Variants in PCDHA1 observed in about 807,000 individuals in gnomAD.
PCDHA1 encodes protocadherin alpha-1.
Under a neutral mutation model 61.3 loss-of-function variants are expected in PCDHA1, and 42 were observed. The ratio of observed to expected loss-of-function variants is 0.69; its 90% CI spans 0.54 to 0.89. The LOEUF (loss-of-function observed/expected upper bound fraction) is 0.89, where lower values mean the gene tolerates loss of function less well. Ranked by LOEUF, PCDHA1 falls within the 40% of genes least tolerant of loss-of-function variation. The pLI is 0.00. For synonymous variants in PCDHA1, 610 were observed against 553.8 expected, an observed-to-expected ratio of 1.10 and a Z score of -1.43; for missense variants, 1,256 against 1,235.3, an observed-to-expected ratio of 1.02 and a Z score of -0.25.
At chr5:140,856,271 G>A (rs782472888) in intron 1 of PCDHA1, 1 of 1,598,148 alleles carries the variant, frequency 6.3e-7, no homozygotes, top group Admixed American at 1.7e-5. Flanking sequence ...GGACCTTCTG[G>A]AGGTAAATCT....
chr5:140,883,162 C>T, intron 1 of PCDHA1: 2 of 1,613,808 alleles, frequency 1.2e-6, no homozygotes, highest in Non-Finnish European at 1.7e-6. Flanking sequence ...TAAATCCGAA[C>T]AATGGAGAAA....
chr5:140,828,066 T>C, intron 1 of PCDHA1: 1 of 1,560,076 alleles, frequency 6.4e-7, no homozygotes, highest in South Asian at 1.2e-5. Context: ...GATCTTCTAA[T>C]GGAAATAAAA....
intron 1 of PCDHA1, among the ~76,000 whole-genome samples, chr5:140,791,856 A>C (rs1554118723): frequency 6.6e-6 from 1 of 151,924 alleles, no homozygotes; most frequent in Admixed American, 6.6e-5. Context: ...TTTGTGAAAG[A>C]CTAGGTTGAA....
intron 1 of PCDHA1, among the ~76,000 whole-genome samples, chr5:140,951,812 A>G (rs2094639418): frequency 1.3e-5 from 2 of 152,152 alleles, no homozygotes; most frequent in Admixed American, 1.3e-4. Context: ...ATGGTCCCTC[A>G]AAGTCTGAAC....
At chr5:140,954,119 C>A (rs547590061) in intron 1 of PCDHA1, among the ~76,000 whole-genome samples, 1 of 152,274 alleles carries the variant, frequency 6.6e-6, no homozygotes, top group African/African-American at 2.4e-5. Flanking sequence ...AGATCTTGTT[C>A]CTTTTTATGG....
intron 1 of PCDHA1, among the ~76,000 whole-genome samples, chr5:140,966,009 G>A (rs2153745631): frequency 6.6e-6 from 1 of 152,278 alleles, no homozygotes; most frequent in South Asian, 2.1e-4. Flanking sequence ...AGTGTCCAGG[G>A]AAGATGTGGG....
intron 1 of PCDHA1, among the ~76,000 whole-genome samples, chr5:140,827,203 G>A (rs1239301472): frequency 2.6e-5 from 4 of 152,154 alleles, no homozygotes; most frequent in Non-Finnish European, 5.9e-5. Context: ...GGAAGTGAGT[G>A]AGAACAATTA....
intron 1 of PCDHA1, among the ~76,000 whole-genome samples, chr5:140,886,636 G>A (rs555391002): frequency 2.6e-5 from 4 of 151,866 alleles, no homozygotes; most frequent in Non-Finnish European, 4.4e-5. Flanking sequence ...GACCAGCCTG[G>A]CCAACATGGT....
intron 1 of PCDHA1, chr5:140,802,717 A>C: frequency 6.2e-7 from 1 of 1,612,524 alleles, no homozygotes; most frequent in Non-Finnish European, 8.5e-7. Flanking sequence ...CTGTCGAGCT[A>C]CGTGTCGGTA....
At chr5:140,884,511 G>T (rs1202323930) in intron 1 of PCDHA1, 6 of 1,614,074 alleles carry the variant, frequency 3.7e-6, no homozygotes, top group African/African-American at 1.3e-5. Context: ...GCAGGGAGTT[G>T]GTCGTACTCG....
chr5:140,842,623 G>C, intron 1 of PCDHA1: 1 of 1,579,148 alleles, frequency 6.3e-7, no homozygotes, highest in Non-Finnish European at 8.6e-7. Context: ...GCTCGCCTTC[G>C]CTGTGGGCCA....
intron 1 of PCDHA1, chr5:140,822,669 T>G: frequency 6.2e-7 from 1 of 1,608,496 alleles, no homozygotes; most frequent in South Asian, 1.1e-5. Flanking sequence ...ATTCTAATAC[T>G]GGTGAAATAA....
At chr5:140,837,699 G>A (rs1405347707) in intron 1 of PCDHA1, among the ~76,000 whole-genome samples, 3 of 146,052 alleles carry the variant, frequency 2.1e-5, no homozygotes, top group Non-Finnish European at 4.5e-5. Flanking sequence ...TTCAAGACAC[G>A]CTCTCACTCC....
intron 1 of PCDHA1, chr5:140,861,554 C>A (rs1023234694): frequency 1.8e-5 from 7 of 398,878 alleles, no homozygotes; most frequent in Non-Finnish European, 2.6e-5. Flanking sequence ...TGGAAGTGAT[C>A]GTGGACAAGC....
chr5:140,987,398 A>G (rs935672912), intron 3 of PCDHA1, among the ~76,000 whole-genome samples: 4 of 152,140 alleles, frequency 2.6e-5, no homozygotes, highest in African/African-American at 9.7e-5. Context: ...CAAGGAAGCC[A>G]TCTGTTTATG....
At chr5:140,951,544 G>C (rs543008494) in intron 1 of PCDHA1, among the ~76,000 whole-genome samples, 1 of 151,878 alleles carries the variant, frequency 6.6e-6, no homozygotes, top group African/African-American at 2.4e-5. Context: ...AGCAAGGGAC[G>C]GGGGGAAGTG....
At chr5:140,857,347 G>A (rs781930086) in intron 1 of PCDHA1, 5 of 1,598,352 alleles carry the variant, frequency 3.1e-6, no homozygotes, top group Non-Finnish European at 4.3e-6. Context: ...GCTCGCCTCC[G>A]CTGTGGGCCA....
At chr5:140,804,857 G>A (rs13157397) in intron 1 of PCDHA1, 276,737 of 526,272 alleles carry the variant, frequency 0.53, 73,313 homozygotes, top group Middle Eastern at 0.58. Context: ...GGTCTAACAC[G>A]TAAAATAGAT....
At position 140,856,129 on chromosome 5, in the gene PCDHA1, C is replaced by G. The variant is rs149039484; in HGVS notation, c.2394+67445C>G. ...TCCTCGCAGCCTGGGAGGTGGGGAG[C>G]GGCCAGCTCCACTACTCAGTCTACG... On this transcript the variant is annotated intron_variant, in intron 1 of 3. Transcript: ENST00000504120. The G allele has an allele frequency of 2.3e-5, 36 of 1,597,980 alleles. 3 individuals are homozygous for G. Among genetic ancestry groups the G allele is most frequent in the African/African-American group, 2.7e-5 (2 of 74,256 alleles).
Sources: allele counts gnomAD v4.1 joint callset (sites outside exome capture counted in the v4.1 genomes callset), GRCh38; gene constraint gnomAD v4.1.1; transcripts MANE v1.5; gene names NCBI Gene and HGNC (gene_info 2026-07-23, HGNC 2026-07-21).